Variants in TMEM132B observed in about 807,000 individuals in gnomAD.
The protein encoded by TMEM132B is transmembrane protein 132B.
A neutral mutation model predicts 90.8 loss-of-function variants in TMEM132B; 18 were observed. The observed-to-expected ratio is 0.20, with a 90% CI of 0.14 to 0.29. TMEM132B has a LOEUF of 0.29. Among genes scored for constraint, TMEM132B ranks in the 10% least tolerant of loss-of-function variants. The pLI is 1.00. For missense variants in TMEM132B, 1,096 were observed against 1,326.8 expected (o/e 0.83, Z 2.70); for synonymous variants, 504 against 523.3 (o/e 0.96, Z 0.50).
At chr12:125,569,672 A>G (rs1055516243) in intron 4 of TMEM132B, among the ~76,000 whole-genome samples, 1 of 152,152 alleles carries the variant, frequency 6.6e-6, no homozygotes, top group Non-Finnish European at 1.5e-5. Flanking sequence ...TGTTGAGGAC[A>G]CATCCTGGAA....
intron 3 of TMEM132B, among the ~76,000 whole-genome samples, chr12:125,452,084 G>A (rs143911394): frequency 4.6e-5 from 7 of 152,286 alleles, no homozygotes; most frequent in Non-Finnish European, 5.9e-5. Flanking sequence ...GCTGACCCCC[G>A]TCTGGTATTA....
chr12:125,204,375 T>C (rs1873134352), intron 1 of TMEM132B, among the ~76,000 whole-genome samples: 2 of 128,588 alleles, frequency 1.6e-5, no homozygotes, highest in African/African-American at 5.1e-5. Context: ...GAGGGCTCCA[T>C]GTACCCAGGC....
intron 2 of TMEM132B, among the ~76,000 whole-genome samples, chr12:125,378,192 C>T (rs966162691): frequency 5.3e-5 from 8 of 152,148 alleles, no homozygotes; most frequent in African/African-American, 1.9e-4. Flanking sequence ...ATTGAAATAC[C>T]TGTGGATATA....
chr12:125,204,445 A>AC (rs1480593895), intron 1 of TMEM132B, among the ~76,000 whole-genome samples: 2 of 122,172 alleles, frequency 1.6e-5, no homozygotes, highest in African/African-American at 5.3e-5. Context: ...GGCTCCGTGT[A>AC]CCAGGCACTG....
intron 1 of TMEM132B, among the ~76,000 whole-genome samples, chr12:125,340,706 G>C (rs1157838620): frequency 6.6e-6 from 1 of 152,234 alleles, no homozygotes; most frequent in Admixed American, 6.5e-5. Flanking sequence ...TTCAGGAGGA[G>C]AGTGTACAAC....
rs546993218 is a variant in TMEM132B at position 125,254,246 on chromosome 12, A to G, written c.67+67380A>G. ...CAGTGAGCCACGTTTGTGCCATTGC[A>G]CTCCAGCCTGGGTCACAGAGTGAGA... On this transcript the variant is annotated intron_variant, in intron 1 of 8. Coordinates refer to ENST00000682704, the MANE Select transcript of TMEM132B (RefSeq NM_001366854.1). Among the ~76,000 whole-genome samples the G allele has an allele frequency of 2.0e-5, 3 of 152,134 alleles. No homozygotes were observed. In the South Asian group the frequency reaches 6.2e-4, roughly 32 times the overall value.
At chr12:125,603,976 G>T (rs756192558) in intron 5 of TMEM132B, among the ~76,000 whole-genome samples, 1 of 151,242 alleles carries the variant, frequency 6.6e-6, no homozygotes, top group Admixed American at 6.6e-5. Flanking sequence ...GAAGAATTAA[G>T]AACAATTTTA....
At chr12:125,312,210 A>C (rs943788025) in intron 1 of TMEM132B, among the ~76,000 whole-genome samples, 4 of 152,210 alleles carry the variant, frequency 2.6e-5, no homozygotes, top group African/African-American at 9.7e-5. Flanking sequence ...TGAGCCCATG[A>C]ATTTTAGTAT....
intron 3 of TMEM132B, among the ~76,000 whole-genome samples, chr12:125,432,124 C>T (rs773124205): frequency 6.6e-6 from 1 of 151,618 alleles, no homozygotes. Flanking sequence ...TTTGTATGCG[C>T]TGTTTGGGGA....
At position 125,653,947 on chromosome 12, in the gene TMEM132B, A is replaced by G. The variant is rs1886994725; in HGVS notation, c.2489A>G (p.Glu830Gly). 2 of 1,614,110 alleles carry G rather than the reference A, an allele frequency of 1.2e-6. No homozygotes were observed. ...TCCATAGAGCGCGAAGGAAACCAGG[A>G]GAGAGCAGTCCAGGAATGGTTCCAC... ...SNSIEREGNQ[E>G]RAVQEWFHRG... Residue 830 changes from glutamate to glycine, a missense_variant, in exon 9 of 9, where the codon GAG becomes GGG. Physicochemically the swap from Glu to Gly is moderately conservative, Grantham distance 98. Transcript: ENST00000682704.
intron 4 of TMEM132B, among the ~76,000 whole-genome samples, chr12:125,572,300 T>C (rs1884818423): frequency 1.3e-5 from 2 of 152,192 alleles, no homozygotes; most frequent in East Asian, 3.9e-4. Flanking sequence ...CTGAAGCCTT[T>C]TGGGAGGTGT....
At chr12:125,442,989 C>T (rs1414750187) in intron 3 of TMEM132B, among the ~76,000 whole-genome samples, 2 of 152,206 alleles carry the variant, frequency 1.3e-5, no homozygotes. Context: ...TCTCCAGTTT[C>T]TCCTTATCCC....
chr12:125,358,145 A>T (rs991129925), intron 2 of TMEM132B, among the ~76,000 whole-genome samples: 5 of 151,606 alleles, frequency 3.3e-5, no homozygotes, highest in African/African-American at 1.2e-4. Flanking sequence ...CACACTCTCT[A>T]TGGGGGGGAG....
At chr12:125,527,067 T>TCC (rs1883487960) in intron 4 of TMEM132B, among the ~76,000 whole-genome samples, 3 of 55,994 alleles carry the variant, frequency 5.4e-5, no homozygotes, top group Non-Finnish European at 1.0e-4. Flanking sequence ...TCCACCCATT[T>TCC]ACCCTTCTAT....
rs1263942029 is a variant in TMEM132B, at chr12:125,193,304, G to A, written c.67+6438G>A. ...GATAAGTCAATCCATGAATGGCAAG[G>A]TAGGGTCTCCTCCCCAGAGCTCATG... On this transcript the variant is annotated intron_variant, in intron 1 of 8. Transcript: ENST00000682704. Among the ~76,000 whole-genome samples the A allele has an allele frequency of 1.8e-4, 28 of 152,150 alleles. 1 individual carries two copies.
intron 1 of TMEM132B, among the ~76,000 whole-genome samples, chr12:125,270,044 G>A (rs866925941): frequency 5.3e-5 from 8 of 150,554 alleles, no homozygotes; most frequent in East Asian, 2.0e-4. Flanking sequence ...AAAAAAAAAC[G>A]CTACACTTCC....
At chr12:125,512,754 C>T (rs1435207122) in intron 3 of TMEM132B, among the ~76,000 whole-genome samples, 1 of 152,092 alleles carries the variant, frequency 6.6e-6, no homozygotes, top group Non-Finnish European at 1.5e-5. Flanking sequence ...CTTGACAAAA[C>T]GGAAATGAGG....
At chr12:125,480,146 A>G (rs766086845) in intron 3 of TMEM132B, among the ~76,000 whole-genome samples, 1 of 152,210 alleles carries the variant, frequency 6.6e-6, no homozygotes, top group Non-Finnish European at 1.5e-5. Flanking sequence ...AATGCCCACA[A>G]GAGAAAGCAG....
chr12:125,306,434 TC>T (rs1435586321), intron 1 of TMEM132B, among the ~76,000 whole-genome samples: 1 of 152,170 alleles, frequency 6.6e-6, no homozygotes, highest in African/African-American at 2.4e-5. Flanking sequence ...CATTGGTATC[TC>T]ATACTCACCT....
Sources: allele counts gnomAD v4.1 joint callset (sites outside exome capture counted in the v4.1 genomes callset), GRCh38; gene constraint gnomAD v4.1.1; transcripts MANE v1.5; gene names NCBI Gene and HGNC (gene_info 2026-07-23, HGNC 2026-07-21).